The following DZANK1 variants were observed in gnomAD, a reference collection of about 807,000 sequenced individuals.
The protein encoded by DZANK1 is double zinc ribbon and ankyrin repeat domains 1, also known as double zinc ribbon and ankyrin repeat-containing protein 1.
DZANK1 carries 91 observed loss-of-function variants against 94.5 expected under a neutral mutation model. The observed-to-expected ratio is 0.96, with a 90% CI of 0.81 to 1.15. The LOEUF (loss-of-function observed/expected upper bound fraction) is 1.15. Among genes scored for constraint, DZANK1 ranks in the 50% most tolerant of loss-of-function variants. DZANK1 has a pLI of 0.00. For synonymous variants in DZANK1, 312 were observed against 325.3 expected (o/e 0.96, Z 0.44); for missense variants, 903 against 916.4 (o/e 0.99, Z 0.19).
At chr20:18,390,586 G>T in intron 17 of DZANK1, 127 bp from the exon 18 acceptor site, 2 of 791,324 alleles carry the variant, frequency 2.5e-6, no homozygotes. Flanking sequence ...ATGTGTGAGT[G>T]TGTGAGTGGT....
chr20:18,431,960 T>C (rs2058302752), intron 9 of DZANK1, among the ~76,000 whole-genome samples: 1 of 152,256 alleles, frequency 6.6e-6, no homozygotes, highest in African/African-American at 2.4e-5. Context: ...ATTCCTATTA[T>C]AACTTATTAT....
intron 19 of DZANK1, among the ~76,000 whole-genome samples, chr20:18,389,072 A>AC (rs1298523093): frequency 6.6e-6 from 1 of 152,180 alleles, no homozygotes; most frequent in East Asian, 1.9e-4. Flanking sequence ...AGGAATTTTC[A>AC]CCCCATATTT....
At chr20:18,435,127 G>C (rs1324746427) in intron 8 of DZANK1, among the ~76,000 whole-genome samples, 3 of 152,082 alleles carry the variant, frequency 2.0e-5, no homozygotes, top group Non-Finnish European at 4.4e-5. Context: ...AGTAAAAGCT[G>C]GGGCTGGAAA....
intron 3 of DZANK1, 49 bp downstream of exon 3, chr20:18,460,104 T>C (rs760679574): frequency 7.9e-7 from 1 of 1,272,736 alleles, no homozygotes; most frequent in South Asian, 2.3e-5. Flanking sequence ...AATTAGAACA[T>C]AATGTTATTA....
chr20:18,424,707 C>A (rs892705914), intron 10 of DZANK1, among the ~76,000 whole-genome samples: 2 of 152,156 alleles, frequency 1.3e-5, no homozygotes, highest in Non-Finnish European at 2.9e-5. Context: ...CAATCCTACT[C>A]CTAGGTATTT....
intron 2 of DZANK1, among the ~76,000 whole-genome samples, chr20:18,463,843 C>T (rs2148829041): frequency 6.7e-6 from 1 of 148,966 alleles, no homozygotes; most frequent in Middle Eastern, 3.4e-3. Flanking sequence ...AGTTTGTACA[C>T]ATTTCAGTTA....
chr20:18,456,743 G>A (rs904643247), intron 3 of DZANK1, among the ~76,000 whole-genome samples: 13 of 151,820 alleles, frequency 8.6e-5, no homozygotes, highest in African/African-American at 2.9e-4. Flanking sequence ...GTTGTAACTC[G>A]TTCATTGTTA....
chr20:18,383,695 G>A (rs1328188160), exon 21 of DZANK1: 2 of 152,362 alleles, frequency 1.3e-5, no homozygotes, highest in Non-Finnish European at 2.9e-5. Context: ...GGAAAGGCAA[G>A]TCGACGCTGA....
chr20:18,396,029 C>A (rs896893083), intron 15 of DZANK1, among the ~76,000 whole-genome samples: 1 of 152,180 alleles, frequency 6.6e-6, no homozygotes, highest in African/African-American at 2.4e-5. Flanking sequence ...GAAACTAAAG[C>A]TGCTAATGTC....
intron 6 of DZANK1, chr20:18,452,078 T>C: frequency 2.8e-6 from 1 of 357,124 alleles, no homozygotes; most frequent in Non-Finnish European, 5.4e-6. Flanking sequence ...GTGGTTTTTT[T>C]TTTTTTTTAA....
At chr20:18,423,720 T>G (rs962260542) in intron 10 of DZANK1, among the ~76,000 whole-genome samples, 4 of 152,128 alleles carry the variant, frequency 2.6e-5, no homozygotes, top group African/African-American at 4.8e-5. Context: ...AAGTCATAGG[T>G]CAAAGAAGAA....
At chr20:18,408,427 G>A (rs1202211833) in intron 13 of DZANK1, among the ~76,000 whole-genome samples, 1 of 152,130 alleles carries the variant, frequency 6.6e-6, no homozygotes, top group Admixed American at 6.6e-5. Flanking sequence ...ACACCAAGCA[G>A]ATTTAATCCA....
intron 2 of DZANK1, among the ~76,000 whole-genome samples, chr20:18,461,276 A>C (rs980780044): frequency 1.3e-5 from 2 of 152,188 alleles, no homozygotes; most frequent in African/African-American, 4.8e-5. Context: ...CCTGTTCCAC[A>C]TATTTCTTTT....
intron 1 of DZANK1, among the ~76,000 whole-genome samples, chr20:18,466,332 TTA>T (rs1192179572): frequency 3.9e-5 from 6 of 152,256 alleles, no homozygotes; most frequent in African/African-American, 1.2e-4. Flanking sequence ...TAGTTTCTTT[TTA>T]GTTTTGCCTG....
intron 10 of DZANK1, chr20:18,420,708 G>A: frequency 5.6e-6 from 1 of 178,528 alleles, no homozygotes; most frequent in Non-Finnish European, 1.2e-5. Context: ...TTATTGGATG[G>A]CATCCTCTTG....
chr20:18,427,293 G>C (rs751778777), intron 9 of DZANK1, 134 bp from the exon 10 acceptor site: 7 of 536,996 alleles, frequency 1.3e-5, no homozygotes, highest in Non-Finnish European at 2.2e-5. Flanking sequence ...TACTGGATTG[G>C]TTTAGGAGTT....
At chr20:18,407,569 GAAAT>G (rs2148388083) in intron 13 of DZANK1, among the ~76,000 whole-genome samples, 1 of 152,278 alleles carries the variant, frequency 6.6e-6, no homozygotes, top group East Asian at 1.9e-4. Context: ...CTCACCAAAT[GAAAT>G]AAATAAGACA....
intron 13 of DZANK1, among the ~76,000 whole-genome samples, chr20:18,412,243 G>C (rs940056200): frequency 3.9e-5 from 6 of 152,152 alleles, no homozygotes; most frequent in African/African-American, 1.2e-4. Context: ...TTGCAGGCAT[G>C]AGTCACCACA....
chr20:18,433,541 CAAA>C (rs112253557), intron 9 of DZANK1, 108 bp downstream of exon 9: 199 of 770,104 alleles, frequency 2.6e-4, no homozygotes, highest in Non-Finnish European at 3.1e-4. Flanking sequence ...GATTCTGTCT[CAAA>C]AAAAAAAAAA....
Sources: allele counts gnomAD v4.1 joint callset (sites outside exome capture counted in the v4.1 genomes callset), GRCh38; gene constraint gnomAD v4.1.1; transcripts MANE v1.5; gene names NCBI Gene and HGNC (gene_info 2026-07-23, HGNC 2026-07-21).